Variants in FARS2 observed in about 807,000 individuals in gnomAD.
FARS2 encodes phenylalanyl-tRNA synthetase 2, mitochondrial, also known as phenylalanine--tRNA ligase, mitochondrial.
A neutral mutation model predicts 46.4 loss-of-function variants in FARS2; 40 were observed. The ratio of observed to expected loss-of-function variants is 0.86; its 90% CI spans 0.67 to 1.12. The LOEUF is 1.12. FARS2 is among the 50% of genes most tolerant of loss of function. The probability of loss-of-function intolerance (pLI) is 0.00; values close to 1 mark genes in which losing one functional copy is unlikely to be tolerated. For synonymous variants in FARS2, 234 were observed against 214.9 expected (o/e 1.09, Z -0.78); for missense variants, 513 against 567.9 (o/e 0.90, Z 0.98).
Position 5,291,630 on chromosome 6 carries a change from G to C in FARS2, c.-22+29970G>C, listed in dbSNP as rs779485934. The stretch of plus-strand genomic sequence containing the variant: ...AGAATTAAATATTGAATAGCTGAGT[G>C]TGTTGGCATATGCCTATAGTCTCAG... On this transcript the variant is annotated intron_variant, in intron 1 of 6. Coordinates refer to ENST00000274680, the MANE Select transcript of FARS2 (RefSeq NM_006567.5). Among the ~76,000 whole-genome samples, 208 of 152,226 alleles carry C rather than the reference G, an allele frequency of 1.4e-3. 2 individuals are homozygous for C. The highest frequency in any genetic ancestry group is 2.4e-4 in the Non-Finnish European group (16 of 68,016).
intron 1 of FARS2, among the ~76,000 whole-genome samples, chr6:5,289,876 G>A (rs968341629): frequency 6.6e-6 from 1 of 152,230 alleles, no homozygotes; most frequent in African/African-American, 2.4e-5. Context: ...GTTGTAGGAA[G>A]TCAGTGTGAA....
Position 5,298,449 on chromosome 6 carries a change from G to C in FARS2, c.-22+36789G>C, listed in dbSNP as rs377593021. On this transcript the variant is annotated intron_variant, in intron 1 of 6. Coordinates refer to ENST00000274680, the MANE Select transcript of FARS2 (RefSeq NM_006567.5). Reference sequence around the variant, plus strand: ...AGACAAACACTTGCTTTAGACAAATGCTTCTTGTCCCAGCATATCAAGGGC... The same window carrying C: ...AGACAAACACTTGCTTTAGACAAATCCTTCTTGTCCCAGCATATCAAGGGC... Among the ~76,000 whole-genome samples, 49 of 152,326 alleles carry C rather than the reference G, an allele frequency of 3.2e-4. No homozygotes were observed. In the South Asian group the frequency reaches 9.5e-3, roughly 30 times the overall value.
chr6:5,476,286 T>C (rs454907), intron 4 of FARS2, among the ~76,000 whole-genome samples: 74,956 of 151,616 alleles, frequency 0.49, 20,679 homozygotes, highest in African/African-American at 0.76. Flanking sequence ...CTTTGAGTCG[T>C]GTTTTCTATT....
At chr6:5,526,084 A>G (rs1323415745) in intron 4 of FARS2, among the ~76,000 whole-genome samples, 1 of 152,224 alleles carries the variant, frequency 6.6e-6, no homozygotes, top group Non-Finnish European at 1.5e-5. Flanking sequence ...TCCTGTATTG[A>G]TACGTGAGAT....
intron 1 of FARS2, among the ~76,000 whole-genome samples, chr6:5,333,435 T>G (rs1000064205): frequency 2.0e-5 from 3 of 152,226 alleles, no homozygotes; most frequent in Admixed American, 1.3e-4. Flanking sequence ...GTGTGCTGCT[T>G]CTTCCAGTTT....
intron 6 of FARS2, among the ~76,000 whole-genome samples, chr6:5,767,595 G>T (rs2150986077): frequency 6.6e-6 from 1 of 152,256 alleles, no homozygotes; most frequent in East Asian, 1.9e-4. Flanking sequence ...ATCCAGCCCT[G>T]CCACTTACTT....
intron 6 of FARS2, among the ~76,000 whole-genome samples, chr6:5,634,359 G>A (rs1347536756): frequency 1.3e-5 from 2 of 152,192 alleles, no homozygotes; most frequent in African/African-American, 4.8e-5. Context: ...CTGGAGGGCA[G>A]TGGTATGATC....
chr6:5,675,419 G>C (rs1778714280), intron 6 of FARS2, among the ~76,000 whole-genome samples: 1 of 152,186 alleles, frequency 6.6e-6, no homozygotes. Flanking sequence ...CAGAATTGTT[G>C]AAGTGAGAAA....
intron 6 of FARS2, among the ~76,000 whole-genome samples, chr6:5,689,553 G>T (rs1185313602): frequency 6.6e-6 from 1 of 152,126 alleles, no homozygotes; most frequent in East Asian, 1.9e-4. Flanking sequence ...ATTGCACTGT[G>T]GTCTGAGAAA....
chr6:5,610,212 A>G (rs1408284418), intron 5 of FARS2: 2 of 603,582 alleles, frequency 3.3e-6, no homozygotes, highest in Non-Finnish European at 5.9e-6. Flanking sequence ...GGCAGGGAGA[A>G]GAGAGACTTT....
At chr6:5,260,583 A>G (rs4141761), upstream of FARS2, 456,818 of 1,104,190 alleles carry the variant, frequency 0.41, 117,690 homozygotes, top group South Asian at 0.5. Flanking sequence ...ATTCCGCGTC[A>G]GCCCGCACCC....
intron 6 of FARS2, among the ~76,000 whole-genome samples, chr6:5,645,876 T>C (rs1777051286): frequency 6.6e-6 from 1 of 152,208 alleles, no homozygotes; most frequent in Non-Finnish European, 1.5e-5. Flanking sequence ...ACCTTTTCAG[T>C]GTTACCATTT....
At chr6:5,728,450 G>A (rs929846748) in intron 6 of FARS2, among the ~76,000 whole-genome samples, 7 of 152,234 alleles carry the variant, frequency 4.6e-5, no homozygotes, top group South Asian at 2.1e-4. Flanking sequence ...TTCATGACAG[G>A]GAGGGGGTGA....
chr6:5,710,785 G>A (rs1395905039), intron 6 of FARS2, among the ~76,000 whole-genome samples: 1 of 152,196 alleles, frequency 6.6e-6, no homozygotes, highest in Non-Finnish European at 1.5e-5. Context: ...GTGAGCATAG[G>A]GGCTCACGTG....
At chr6:5,276,474 C>T (rs1766342481) in intron 1 of FARS2, among the ~76,000 whole-genome samples, 1 of 152,262 alleles carries the variant, frequency 6.6e-6, no homozygotes, top group Middle Eastern at 3.4e-3. Flanking sequence ...CATGAACTGT[C>T]TTGGGGATAC....
chr6:5,545,861 C>G (rs1582411841), intron 5 of FARS2, among the ~76,000 whole-genome samples: 1 of 152,158 alleles, frequency 6.6e-6, no homozygotes, highest in Admixed American at 6.5e-5. Flanking sequence ...GGCATGGTGG[C>G]TCATGCCTTT....
intron 6 of FARS2, among the ~76,000 whole-genome samples, chr6:5,680,536 T>G (rs138267157): frequency 6.6e-6 from 1 of 152,320 alleles, no homozygotes; most frequent in East Asian, 1.9e-4. Context: ...AGCTGCCCCA[T>G]CGGTCCTGCC....
At chr6:5,459,490 T>C (rs1197018399) in intron 4 of FARS2, among the ~76,000 whole-genome samples, 1 of 152,066 alleles carries the variant, frequency 6.6e-6, no homozygotes, top group East Asian at 1.9e-4. Flanking sequence ...TGCTGTTGGC[T>C]CAGTGACCCA....
chr6:5,588,447 T>C (rs1308277391), intron 5 of FARS2, among the ~76,000 whole-genome samples: 3 of 152,214 alleles, frequency 2.0e-5, no homozygotes, highest in African/African-American at 4.8e-5. Flanking sequence ...AGCAGCACAC[T>C]GTTTGGCCCA....
Sources: allele counts gnomAD v4.1 joint callset (sites outside exome capture counted in the v4.1 genomes callset), GRCh38; gene constraint gnomAD v4.1.1; transcripts MANE v1.5; gene names NCBI Gene and HGNC (gene_info 2026-07-23, HGNC 2026-07-21).